MSI2: variants seen among roughly 807,000 people sequenced by gnomAD.
The protein encoded by MSI2 is RNA-binding protein Musashi homolog 2.
MSI2 carries 17 observed loss-of-function variants against 45.6 expected under a neutral mutation model. That is an observed-to-expected ratio of 0.37 (90% confidence interval 0.26 to 0.56). The LOEUF (loss-of-function observed/expected upper bound fraction) is 0.56, where lower values mean the gene tolerates loss of function less well. MSI2 is among the 20% of genes least tolerant of loss of function. The pLI, the probability that MSI2 is intolerant of heterozygous loss-of-function variation, is 0.77. For missense variants in MSI2, 293 were observed against 444.2 expected (o/e 0.66, Z 3.06); for synonymous variants, 156 against 158.2 (o/e 0.99, Z 0.11).
At chr17:57,326,450 G>T (rs1020310219) in intron 5 of MSI2, among the ~76,000 whole-genome samples, 98 of 152,230 alleles carry the variant, frequency 6.4e-4, no homozygotes, top group African/African-American at 2.2e-3. Context: ...CCAGGGCTTG[G>T]GATAAGAGAT....
chr17:57,517,295 AT>A lies in MSI2; in HGVS notation c.406-12380del, dbSNP rs1380911114. ...GGGGAAGGAGCAGGAACTTCCTTGG[AT>A]GTCATCAAAGCCCCATGAAGAAACT... On this transcript the variant is annotated intron_variant, in intron 6 of 13. Coordinates refer to ENST00000284073, the MANE Select transcript of MSI2 (RefSeq NM_138962.4). Among the ~76,000 whole-genome samples, 6 of 152,288 alleles carry A rather than the reference AT, an allele frequency of 3.9e-5. No homozygotes were observed. In the South Asian group the frequency reaches 1.2e-3, roughly 32 times the overall value.
Position 57,529,661 on chromosome 17 carries a change from A to G in MSI2, c.406-15A>G, listed in dbSNP as rs143349590. On this transcript the variant is annotated splice_polypyrimidine_tract_variant and intron_variant, in intron 6 of 13. Transcript: ENST00000284073. The surrounding 1 kb of genome is among the most constrained non-coding windows in gnomAD (Gnocchi z 5.3). The stretch of plus-strand genomic sequence containing the variant: ...AAATTCCTAAGGCAGCCTGTATTCT[A>G]TATTTGTTTTGCAGGTGGAAGATGC... 2.0e-4 allele frequency: 323 copies of G among 1,611,762 alleles called. No homozygotes were observed. In the East Asian group the frequency reaches 6.7e-3, roughly 34 times the overall value.
chr17:57,543,574 C>G (rs1438070666), intron 7 of MSI2, among the ~76,000 whole-genome samples: 3 of 152,186 alleles, frequency 2.0e-5, no homozygotes, highest in African/African-American at 7.2e-5. Context: ...GTTTTGGCAT[C>G]TTAAGTCTTC....
At chr17:57,344,674 G>A (rs557657030) in intron 5 of MSI2, among the ~76,000 whole-genome samples, 10 of 152,346 alleles carry the variant, frequency 6.6e-5, no homozygotes, top group Admixed American at 1.3e-4. Context: ...ACATGGGCAT[G>A]TCCATGCATC....
chr17:57,400,222 A>G (rs2083964850), intron 5 of MSI2, among the ~76,000 whole-genome samples: 1 of 145,026 alleles, frequency 6.9e-6, no homozygotes, highest in African/African-American at 2.6e-5. Flanking sequence ...TTTGGTTCCC[A>G]CTCTGAACAG....
intron 10 of MSI2, among the ~76,000 whole-genome samples, chr17:57,636,435 C>T (rs1030684528): frequency 2.0e-5 from 3 of 152,152 alleles, no homozygotes; most frequent in Non-Finnish European, 2.9e-5. Context: ...AACTTCAGAG[C>T]CCTTCCATCC....
chr17:57,597,575 A>G (rs1204089930), intron 8 of MSI2, among the ~76,000 whole-genome samples: 2 of 151,806 alleles, frequency 1.3e-5, no homozygotes, highest in Non-Finnish European at 1.5e-5. Context: ...GCAGTGAGCC[A>G]TGATCACACC....
rs1349163417 is a variant in MSI2, at chr17:57,682,145, G to T, written c.*2628G>T. 1 of 194,370 alleles carries T rather than the reference G, an allele frequency of 5.1e-6. No individual in the cohort carries two copies. Among genetic ancestry groups the T allele is most frequent in the Non-Finnish European group, 1.1e-5 (1 of 93,578 alleles). The allele number at this position is 194,370 out of a possible 1,614,324, so 12.0% of individuals were successfully genotyped here. On this transcript the variant is annotated 3_prime_UTR_variant, in exon 14 of 14. Transcript: ENST00000284073. ...TTCAGATTTAGGACCAGTAAGGATA[G>T]AACTTTCTCTTATTTATGAAAAAAA...
intron 7 of MSI2, among the ~76,000 whole-genome samples, chr17:57,554,815 A>G (rs1179588974): frequency 6.6e-6 from 1 of 152,256 alleles, no homozygotes; most frequent in Non-Finnish European, 1.5e-5. Flanking sequence ...GTGTGGCTAT[A>G]AAGCCTGGGC....
At position 57,368,330 on chromosome 17, in the gene MSI2, C is replaced by T. The variant is rs1047099393; in HGVS notation, c.313-33049C>T. On this transcript the variant is annotated intron_variant, in intron 5 of 13. Transcript: ENST00000284073. ...CAGCACTTTGGGAGGCTGAGGCGGG[C>T]GGATTGCTTGGGGTCAGGAGTTTGA... Among the ~76,000 whole-genome samples the T allele has an allele frequency of 1.1e-3, 160 of 152,034 alleles. 2 individuals are homozygous for T. Among genetic ancestry groups the T allele is most frequent in the African/African-American group, 3.6e-3 (148 of 41,470 alleles).
chr17:57,272,702 C>T (rs977752226), intron 5 of MSI2, among the ~76,000 whole-genome samples: 1 of 152,100 alleles, frequency 6.6e-6, no homozygotes, highest in Non-Finnish European at 1.5e-5. Flanking sequence ...GATAGGAGCT[C>T]GAGAGTACCT....
intron 13 of MSI2, 85 bp downstream of exon 13, chr17:57,677,144 CCT>C (rs1913290132): frequency 3.3e-6 from 3 of 914,472 alleles, no homozygotes; most frequent in African/African-American, 1.6e-5. Context: ...CGTGCGTGCC[CCT>C]GTCTCATCAC....
chr17:57,359,722 C>T (rs537806382), intron 5 of MSI2, among the ~76,000 whole-genome samples: 3 of 152,172 alleles, frequency 2.0e-5, no homozygotes, highest in Non-Finnish European at 4.4e-5. Flanking sequence ...TTGTTGAGGC[C>T]CTGGCTGAAG....
At chr17:57,498,981 T>C (rs958795770) in intron 6 of MSI2, among the ~76,000 whole-genome samples, 7 of 139,796 alleles carry the variant, frequency 5.0e-5, no homozygotes, top group African/African-American at 1.6e-4. Flanking sequence ...AGTGTTCTCA[T>C]TGTGGAACTT....
chr17:57,490,288 T>A (rs1265778358), intron 6 of MSI2, among the ~76,000 whole-genome samples: 1 of 152,228 alleles, frequency 6.6e-6, no homozygotes, highest in Non-Finnish European at 1.5e-5. Context: ...GATCTCTCCT[T>A]TGTTCTCTTA....
At chr17:57,518,706 G>C (rs1037922314) in intron 6 of MSI2, among the ~76,000 whole-genome samples, 1 of 152,056 alleles carries the variant, frequency 6.6e-6, no homozygotes, top group Non-Finnish European at 1.5e-5. Context: ...GGCTGGAGAG[G>C]GGGAGAAGGG....
intron 11 of MSI2, among the ~76,000 whole-genome samples, chr17:57,673,802 CT>C (rs1598515515): frequency 6.6e-6 from 1 of 152,198 alleles, no homozygotes; most frequent in South Asian, 2.1e-4. Context: ...TCCACTCTCT[CT>C]GTAGCAAAGG....
chr17:57,578,129 T>C (rs2088100100), intron 7 of MSI2, among the ~76,000 whole-genome samples: 1 of 152,210 alleles, frequency 6.6e-6, no homozygotes, highest in African/African-American at 2.4e-5. Context: ...GGTCCCCTTG[T>C]CTATCTGCAG....
At chr17:57,281,882 A>AT (rs1177586530) in intron 5 of MSI2, among the ~76,000 whole-genome samples, 2 of 152,332 alleles carry the variant, frequency 1.3e-5, no homozygotes, top group Middle Eastern at 3.4e-3. Flanking sequence ...AGACAAAAGG[A>AT]TGTCCAGAAA....
Sources: allele counts gnomAD v4.1 joint callset (sites outside exome capture counted in the v4.1 genomes callset), GRCh38; gene constraint gnomAD v4.1.1; non-coding constraint Gnocchi (gnomAD v3.1); transcripts MANE v1.5; gene names NCBI Gene and HGNC (gene_info 2026-07-23, HGNC 2026-07-21).